The following ANK2 variants were observed in gnomAD, a reference collection of about 807,000 sequenced individuals.
ANK2 encodes ankyrin 2.
ANK2 carries 83 observed loss-of-function variants against 360.5 expected under a neutral mutation model. The ratio of observed to expected loss-of-function variants is 0.23; its 90% confidence interval spans 0.19 to 0.28. The LOEUF (loss-of-function observed/expected upper bound fraction) is 0.28. Among genes scored for constraint, ANK2 ranks in the 10% least tolerant of loss-of-function variants. The pLI, the probability that ANK2 is intolerant of heterozygous loss-of-function variation, is 1.00. For missense variants in ANK2, 4,201 were observed against 4,795.7 expected (o/e 0.88, Z 3.66); for synonymous variants, 1,740 against 1,759.5 (o/e 0.99, Z 0.28).
At chr4:112,970,067 GC>G (rs2038928619) in intron 2 of ANK2, among the ~76,000 whole-genome samples, 1 of 149,828 alleles carries the variant, frequency 6.7e-6, no homozygotes, top group Non-Finnish European at 1.5e-5. Flanking sequence ...CACTGCAACC[GC>G]CGCCTCCCAG....
At chr4:112,907,352 T>C (rs1185368936) in intron 2 of ANK2, among the ~76,000 whole-genome samples, 1 of 152,234 alleles carries the variant, frequency 6.6e-6, no homozygotes, top group Non-Finnish European at 1.5e-5. Flanking sequence ...ACTGAAGGGA[T>C]CTTTTAGTTC....
chr4:113,174,167 T>C (rs774637018), intron 1 of ANK2: 48 of 380,722 alleles, frequency 1.3e-4, no homozygotes, highest in South Asian at 6.2e-4. Context: ...CAGTAACAAT[T>C]ATTTCCATTT....
At chr4:113,276,200 T>C (rs891057329) in intron 15 of ANK2, among the ~76,000 whole-genome samples, 25 of 152,008 alleles carry the variant, frequency 1.6e-4, no homozygotes, top group African/African-American at 6.0e-4. Flanking sequence ...CTCGGCCTCC[T>C]AAAGTGCTGG....
chr4:113,010,498 A>G (rs906760626), intron 2 of ANK2, among the ~76,000 whole-genome samples: 2 of 152,202 alleles, frequency 1.3e-5, no homozygotes, highest in African/African-American at 4.8e-5. Flanking sequence ...TGCTGGGAAC[A>G]CTGAAGTGAA....
At chr4:112,771,694 T>G in the ANK2 span, among the ~76,000 whole-genome samples, 1 of 151,910 alleles carries the variant, frequency 6.6e-6, no homozygotes, top group East Asian at 1.9e-4. Context: ...CACGCCATTC[T>G]CTTGCCTCAG....
chr4:112,764,198 C>G, the ANK2 span, among the ~76,000 whole-genome samples: 366 of 152,160 alleles, frequency 2.4e-3, 1 homozygote, highest in African/African-American at 8.4e-3. Context: ...CTGCATCGGC[C>G]TCCTAAAGTG....
upstream of ANK2, among the ~76,000 whole-genome samples, chr4:113,046,775 G>C (rs2064579433): frequency 6.6e-6 from 1 of 152,188 alleles, no homozygotes; most frequent in Admixed American, 6.6e-5. Flanking sequence ...GGGTATAGCA[G>C]ACTGTCAAAT....
At chr4:113,123,892 A>G (rs1582284823) in intron 1 of ANK2, among the ~76,000 whole-genome samples, 2 of 152,100 alleles carry the variant, frequency 1.3e-5, no homozygotes, top group East Asian at 3.8e-4. Flanking sequence ...TCATGTGTAG[A>G]TAGGAGACAC....
chr4:112,922,746 A>G (rs2091825367), intron 2 of ANK2, among the ~76,000 whole-genome samples: 1 of 152,188 alleles, frequency 6.6e-6, no homozygotes, highest in African/African-American at 2.4e-5. Flanking sequence ...ATTCAATCTC[A>G]GTGTTGTATT....
chr4:113,202,221 T>C (rs1031683768), intron 4 of ANK2, among the ~76,000 whole-genome samples: 1 of 152,168 alleles, frequency 6.6e-6, no homozygotes, highest in Admixed American at 6.6e-5. Context: ...CCCCTGTGTG[T>C]GAGCCAATCC....
At chr4:113,145,531 AAAC>A (rs770119637) in intron 1 of ANK2, 26 of 966,978 alleles carry the variant, frequency 2.7e-5, no homozygotes, top group Middle Eastern at 5.3e-4. Flanking sequence ...GTGAAAAACA[AAAC>A]AACACCGCCC....
intron 1 of ANK2, among the ~76,000 whole-genome samples, chr4:112,879,406 A>G (rs1313768207): frequency 6.6e-6 from 1 of 152,170 alleles, no homozygotes; most frequent in Non-Finnish European, 1.5e-5. Flanking sequence ...TGAGGCTTCT[A>G]GAAAACAGCC....
At chr4:112,748,596 C>A in the ANK2 span, among the ~76,000 whole-genome samples, 1 of 152,126 alleles carries the variant, frequency 6.6e-6, no homozygotes, top group Non-Finnish European at 1.5e-5. Flanking sequence ...TCCTGTTTGA[C>A]CTTATTTCCC....
chr4:113,031,155 C>A (rs1249162170), intron 2 of ANK2: 3 of 151,698 alleles, frequency 2.0e-5, no homozygotes, highest in African/African-American at 4.8e-5. Context: ...TTGAAGTTTG[C>A]CAAAAACTCT....
chr4:112,976,615 G>T (rs535633366), intron 2 of ANK2, among the ~76,000 whole-genome samples: 1 of 151,832 alleles, frequency 6.6e-6, no homozygotes, highest in African/African-American at 2.4e-5. Context: ...ATTTTAAAAT[G>T]AAATGTAAAC....
chr4:113,034,882 T>C (rs2061250446), intron 2 of ANK2: 1 of 151,964 alleles, frequency 6.6e-6, no homozygotes, highest in African/African-American at 2.4e-5. Flanking sequence ...GAAATAATAA[T>C]GATTAGATAT....
chr4:112,738,615 T>C, the ANK2 span: 1 of 524,620 alleles, frequency 1.9e-6, no homozygotes, highest in Non-Finnish European at 3.7e-6. Flanking sequence ...AAAAACTACA[T>C]TCTAGCTCTT....
At chr4:113,265,899 T>C in intron 14 of ANK2, among the ~76,000 whole-genome samples, 1 of 152,226 alleles carries the variant, frequency 6.6e-6, no homozygotes, top group Non-Finnish European at 1.5e-5. Flanking sequence ...TGAAAGCATC[T>C]GGCTATGGTC....
At chr4:112,993,788 C>T (rs1330030680) in intron 2 of ANK2, among the ~76,000 whole-genome samples, 3 of 152,068 alleles carry the variant, frequency 2.0e-5, no homozygotes, top group African/African-American at 7.2e-5. Flanking sequence ...CTCACTGCAA[C>T]CTCCGTCACC....
Sources: allele counts gnomAD v4.1 joint callset (sites outside exome capture counted in the v4.1 genomes callset), GRCh38; gene constraint gnomAD v4.1.1; transcripts MANE v1.5; gene names NCBI Gene and HGNC (gene_info 2026-07-23, HGNC 2026-07-21).